Variants in DGKB observed in about 807,000 individuals in gnomAD.
The protein encoded by DGKB is 90 kDa diacylglycerol kinase.
Under a neutral mutation model 114.3 loss-of-function variants are expected in DGKB, and 67 were observed. The observed-to-expected ratio is 0.59, with a 90% CI of 0.48 to 0.72. DGKB has a LOEUF of 0.72. Ranked by LOEUF, DGKB falls within the 30% of genes least tolerant of loss-of-function variation. The probability of loss-of-function intolerance (pLI) is 0.00; values close to 1 mark genes in which losing one functional copy is unlikely to be tolerated. For missense variants in DGKB, 907 were observed against 975.2 expected (o/e 0.93, Z 0.93); for synonymous variants, 398 against 323.1 (o/e 1.23, Z -2.49).
At chr7:14,371,304 T>C (rs569598601) in intron 21 of DGKB, among the ~76,000 whole-genome samples, 1 of 152,292 alleles carries the variant, frequency 6.6e-6, no homozygotes, top group African/African-American at 2.4e-5. Flanking sequence ...AAGCAAGCAT[T>C]CCCTTTTCTC....
chr7:14,871,561 C>T (rs906675418), intron 1 of DGKB, among the ~76,000 whole-genome samples: 7 of 152,112 alleles, frequency 4.6e-5, no homozygotes, highest in Admixed American at 2.6e-4. Context: ...TATGGGGATG[C>T]TAATACGCCT....
intron 23 of DGKB, among the ~76,000 whole-genome samples, chr7:14,292,167 T>C (rs17767576): frequency 0.19 from 28,282 of 152,140 alleles, 3,094 homozygotes; most frequent in Non-Finnish European, 0.24. Flanking sequence ...TTTGGGAAAA[T>C]ACAAATTTTA....
intron 21 of DGKB, among the ~76,000 whole-genome samples, chr7:14,392,989 G>GTTT (rs776845811): frequency 6.0e-3 from 61 of 10,174 alleles, no homozygotes; most frequent in South Asian, 0.017. Flanking sequence ...CCTGTTTTTT[G>GTTT]TTTTTGTTTT....
chr7:14,465,420 TC>T (rs1833692336), intron 21 of DGKB, among the ~76,000 whole-genome samples: 1 of 151,732 alleles, frequency 6.6e-6, no homozygotes, highest in Admixed American at 6.6e-5. Flanking sequence ...TGGAAGAGAG[TC>T]AGAATGTCCT....
At chr7:14,476,692 TA>T (rs1782220806) in intron 21 of DGKB, among the ~76,000 whole-genome samples, 1 of 151,352 alleles carries the variant, frequency 6.6e-6, no homozygotes, top group Non-Finnish European at 1.5e-5. Context: ...ATTTGTAGGG[TA>T]AAAAACAAAT....
intron 23 of DGKB, among the ~76,000 whole-genome samples, chr7:14,292,602 T>C (rs1801934489): frequency 6.6e-6 from 1 of 152,206 alleles, no homozygotes; most frequent in African/African-American, 2.4e-5. Context: ...GTATCAATCC[T>C]TAAACCAGCA....
At chr7:14,970,100 G>C (rs11762004) in intron 1 of DGKB, among the ~76,000 whole-genome samples, 6,702 of 152,178 alleles carry the variant, frequency 0.044, 232 homozygotes, top group Middle Eastern at 0.078. Context: ...TAGTAACATG[G>C]GTTGGGCTTA....
At chr7:14,511,384 A>G (rs79378889) in intron 20 of DGKB, among the ~76,000 whole-genome samples, 114 of 152,116 alleles carry the variant, frequency 7.5e-4, no homozygotes, top group African/African-American at 2.7e-3. Flanking sequence ...TTTCCTTAAA[A>G]CTCAAGAACC....
At chr7:14,932,613 G>T (rs968917134) in intron 1 of DGKB, among the ~76,000 whole-genome samples, 2 of 152,088 alleles carry the variant, frequency 1.3e-5, no homozygotes, top group Admixed American at 1.3e-4. Flanking sequence ...ATCAGGTAAG[G>T]CACATTCAAA....
intron 21 of DGKB, among the ~76,000 whole-genome samples, chr7:14,360,100 T>C (rs1267520283): frequency 1.3e-5 from 2 of 152,160 alleles, no homozygotes; most frequent in African/African-American, 4.8e-5. Context: ...TAAGAAAATG[T>C]GGCACATATA....
chr7:14,935,597 A>C (rs993482803), intron 1 of DGKB, among the ~76,000 whole-genome samples: 1 of 152,178 alleles, frequency 6.6e-6, no homozygotes, highest in African/African-American at 2.4e-5. Flanking sequence ...GTTACTATGT[A>C]CATGATGATC....
At chr7:14,188,021 C>A (rs1249860073) in intron 23 of DGKB, among the ~76,000 whole-genome samples, 1 of 151,482 alleles carries the variant, frequency 6.6e-6, no homozygotes, top group Non-Finnish European at 1.5e-5. Flanking sequence ...AAGAACCAAG[C>A]GGAATTGGAG....
chr7:14,466,081 C>T (rs533028911), intron 21 of DGKB, among the ~76,000 whole-genome samples: 1 of 152,202 alleles, frequency 6.6e-6, no homozygotes, highest in Admixed American at 6.5e-5. Flanking sequence ...CATCTACTTC[C>T]AGGGATCATA....
intron 20 of DGKB, among the ~76,000 whole-genome samples, chr7:14,499,909 C>T (rs1785881578): frequency 6.6e-6 from 1 of 151,728 alleles, no homozygotes; most frequent in Non-Finnish European, 1.5e-5. Flanking sequence ...CGTGGCTCAT[C>T]CCAGCGTTTT....
chr7:14,316,153 T>C (rs1313387090), intron 23 of DGKB, among the ~76,000 whole-genome samples: 1 of 151,904 alleles, frequency 6.6e-6, no homozygotes, highest in Non-Finnish European at 1.5e-5. Flanking sequence ...GGGAAATTTA[T>C]AGCACTAAAT....
At chr7:14,928,690 A>C (rs1463112757) in intron 1 of DGKB, among the ~76,000 whole-genome samples, 1 of 151,636 alleles carries the variant, frequency 6.6e-6, no homozygotes, top group Non-Finnish European at 1.5e-5. Context: ...TATTTGCATA[A>C]ATTTATGGGG....
intron 2 of DGKB, among the ~76,000 whole-genome samples, chr7:14,796,062 G>C (rs1021078861): frequency 2.6e-5 from 4 of 152,048 alleles, no homozygotes; most frequent in African/African-American, 7.2e-5. Context: ...ATGGAAGTAA[G>C]AACAAACTCC....
At chr7:14,901,205 G>GA (rs1281682872) in intron 1 of DGKB, among the ~76,000 whole-genome samples, 1 of 152,156 alleles carries the variant, frequency 6.6e-6, no homozygotes, top group African/African-American at 2.4e-5. Flanking sequence ...GTGATGAGTA[G>GA]AAAATTAGCC....
intron 23 of DGKB, among the ~76,000 whole-genome samples, chr7:14,284,361 A>G (rs1800478090): frequency 7.0e-6 from 1 of 143,206 alleles, no homozygotes; most frequent in Non-Finnish European, 1.5e-5. Context: ...TCAGGAAACA[A>G]CAGGTGCTGG....
Sources: gnomAD v4.1 joint callset for allele counts (sites outside exome capture counted in the v4.1 genomes callset) on GRCh38, gnomAD v4.1.1 for gene constraint, MANE v1.5 for transcripts, NCBI Gene and HGNC (gene_info 2026-07-23, HGNC 2026-07-21) for gene names.